UPB1: variants seen among roughly 807,000 people sequenced by gnomAD.
UPB1 encodes the protein beta-ureidopropionase.
In UPB1, 40 loss-of-function variants were observed where a neutral mutation model predicts 49.1. The ratio of observed to expected loss-of-function variants is 0.81; its 90% CI spans 0.63 to 1.06. The LOEUF (loss-of-function observed/expected upper bound fraction) is 1.06. UPB1 is among the 50% of genes least tolerant of loss of function. UPB1 has a pLI of 0.00. For missense variants in UPB1, 499 were observed against 505.9 expected (o/e 0.99, Z 0.13); for synonymous variants, 207 against 198.2 (o/e 1.04, Z -0.38).
intron 1 of UPB1, 139 bp from the exon 2 acceptor site, chr22:24,499,968 G>A (rs1470127071): frequency 7.0e-6 from 9 of 1,291,180 alleles, no homozygotes; most frequent in Non-Finnish European, 9.9e-6. Context: ...CAGCTCCCTT[G>A]GGCCCTGGCA....
intron 6 of UPB1, 149 bp from the exon 7 acceptor site, chr22:24,520,238 C>T: frequency 1.2e-6 from 1 of 863,966 alleles, no homozygotes. Flanking sequence ...TTGTCCCCAC[C>T]ACTGGCCCAG....
rs2044487265 is a variant in UPB1, at chr22:24,526,991, A to G, written c.*1197A>G. On this transcript the variant is annotated 3_prime_UTR_variant, in exon 10 of 10. Transcript: ENST00000326010. ...CCTACTAATTCTGCTAGTTCTGCTA[A>G]TGTGGTTGAGCTCCATTTTACACAT... 1.3e-5 allele frequency: 2 copies of G among 152,190 alleles called. No homozygotes were observed. The highest frequency in any genetic ancestry group is 2.4e-5 in the African/African-American group (1 of 41,438). The allele number at this position is 152,190 out of a possible 1,614,324, so 9.4% of individuals were successfully genotyped here. A position where few individuals can be genotyped will look rare whatever the true frequency, so the allele number is the denominator to read the frequency against.
At chr22:24,495,653 C>G (rs1218934889) in intron 1 of UPB1, 146 bp downstream of exon 1, 4 of 824,410 alleles carry the variant, frequency 4.9e-6, no homozygotes, top group African/African-American at 1.7e-5. Flanking sequence ...CATAGTAGGT[C>G]TTGATGGGAC....
intron 1 of UPB1, among the ~76,000 whole-genome samples, chr22:24,496,406 C>CACACACAT (rs1555883961): frequency 5.4e-5 from 7 of 129,032 alleles, no homozygotes; most frequent in African/African-American, 2.2e-4. Context: ...CACACACATA[C>CACACACAT]ACACACACAC....
Position 24,523,652 on chromosome 22 carries a change from G to C in UPB1, c.950G>C (p.Ser317Thr). The stretch of plus-strand genomic sequence containing the variant: ...GACTTTGGCTACTTTTATGGCTCGA[G>C]CTATGTGGCAGCCCCTGACAGCAGC... The part of the protein sequence containing the change: ...HQDFGYFYGS[S>T]YVAAPDSSRT... The change falls in exon 9 of 10, where the codon AGC (serine) becomes ACC (threonine). Residue 317 changes from serine (S) to threonine (T), a missense_variant. By Grantham distance (58) the Ser-to-Thr change is moderately conservative (BLOSUM62 1). Coordinates refer to ENST00000326010, the MANE Select transcript of UPB1 (RefSeq NM_016327.3). The C allele has an allele frequency of 6.2e-7, 1 of 1,614,266 alleles. No homozygotes were observed. Among genetic ancestry groups the C allele is most frequent in the Non-Finnish European group, 8.5e-7 (1 of 1,180,044 alleles).
In UPB1 at chr22:24,499,980, T is replaced by C. The variant is rs111423529; in HGVS notation, c.105-127T>C. On this transcript the variant is annotated intron_variant, in intron 1 of 9. Coordinates refer to ENST00000326010, the MANE Select transcript of UPB1 (RefSeq NM_016327.3). The stretch of plus-strand genomic sequence containing the variant: ...CGCCAGCTCCCTTGGGCCCTGGCAC[T>C]GAGCGCCTTCTAGCCAGGACATCCT... 71 of 1,446,446 alleles carry C rather than the reference T, an allele frequency of 4.9e-5. No individual in the cohort carries two copies. In the African/African-American group the frequency reaches 7.7e-4, roughly 16 times the overall value. The allele number at this position is 1,446,446 out of a possible 1,614,324, so 89.6% of individuals were successfully genotyped here. A position where few individuals can be genotyped will look rare whatever the true frequency, so the allele number is the denominator to read the frequency against.
At chr22:24,501,799 G>A (rs1165242539) in intron 2 of UPB1, among the ~76,000 whole-genome samples, 2 of 152,192 alleles carry the variant, frequency 1.3e-5, no homozygotes, top group Non-Finnish European at 2.9e-5. Flanking sequence ...GCTGACCTGG[G>A]AGATGGGTGT....
chr22:24,500,002 T>C (rs539046090), intron 1 of UPB1, 105 bp from the exon 2 acceptor site: 2 of 1,571,630 alleles, frequency 1.3e-6, no homozygotes, highest in Admixed American at 1.7e-5. Context: ...AGCCAGGACA[T>C]CCTCACCTCT....
chr22:24,501,584 A>G (rs551010471), intron 2 of UPB1, among the ~76,000 whole-genome samples: 38 of 152,338 alleles, frequency 2.5e-4, no homozygotes, highest in African/African-American at 7.9e-4. Context: ...TGACATAGAT[A>G]ACACCTCCAG....
At chr22:24,509,160 A>C (rs1347045743) in intron 3 of UPB1, among the ~76,000 whole-genome samples, 1 of 152,152 alleles carries the variant, frequency 6.6e-6, no homozygotes, top group Non-Finnish European at 1.5e-5. Flanking sequence ...ACTGGCAGGT[A>C]CTAAAGGTAA....
At chr22:24,512,860 C>T (rs542732970) in intron 4 of UPB1, among the ~76,000 whole-genome samples, 3 of 152,274 alleles carry the variant, frequency 2.0e-5, no homozygotes, top group Admixed American at 6.5e-5. Flanking sequence ...AGCGTAGAAC[C>T]GTGGCATCTA....
chr22:24,495,389 TG>T lies in UPB1; in HGVS notation c.-13del. 2 of 1,612,428 alleles carry T rather than the reference TG, an allele frequency of 1.2e-6. No homozygotes were observed. The highest frequency in any genetic ancestry group is 1.7e-4 in the Middle Eastern group (1 of 6,040). ...GCAGTTCGTGCGCGGACACAAGCAC[TG>T]GCGGACCGTGGCCATGGCGGGCGCT... is the stretch of plus-strand genomic sequence containing the variant. On this transcript the variant is annotated 5_prime_UTR_variant, in exon 1 of 10. Transcript: ENST00000326010.
At position 24,511,614 on chromosome 22, in the gene UPB1, A is replaced by AT. The variant is rs202129656; in HGVS notation, c.459+772dup. Among the ~76,000 whole-genome samples the AT allele has an allele frequency of 1.5e-3, 183 of 121,166 alleles. 5 individuals carry two copies. The highest frequency in any genetic ancestry group is 2.2e-3 in the Non-Finnish European group (130 of 59,106). The allele number at this position is 121,166 out of a possible 152,430, so 79.5% of individuals were successfully genotyped here. The stretch of plus-strand genomic sequence containing the variant: ...CTCTGTGAATTATATATATATATAT[A>AT]TATATTTTTTTTTTTTTGAGATGGA... On this transcript the variant is annotated intron_variant, in intron 4 of 9. Coordinates refer to ENST00000326010, the MANE Select transcript of UPB1 (RefSeq NM_016327.3).
At chr22:24,509,592 G>GC (rs921055934) in intron 3 of UPB1, among the ~76,000 whole-genome samples, 1 of 151,984 alleles carries the variant, frequency 6.6e-6, no homozygotes, top group African/African-American at 2.4e-5. Flanking sequence ...GGAGGAGGGG[G>GC]GGTCCCAGTG....
Position 24,528,031 on chromosome 22 carries a change from A to G in UPB1, c.*2237A>G, listed in dbSNP as rs1334330478. On this transcript the variant is annotated 3_prime_UTR_variant, in exon 10 of 10. Transcript: ENST00000326010. ...GTACTCAGCAGGCTGAGGGAGGAGA[A>G]TCACTTGAACCCGGGAGGCGGAGGT... The G allele has an allele frequency of 1.3e-5, 2 of 152,478 alleles. No individual in the cohort carries two copies. The highest frequency in any genetic ancestry group is 1.3e-4 in the Admixed American group (2 of 15,306). 9.4% of individuals were successfully genotyped at this position (152,478 alleles called of 1,614,324 possible).
Position 24,495,558 on chromosome 22 carries a change from G to T in UPB1, c.104+51G>T, listed in dbSNP as rs190479781. 503 of 1,599,962 alleles carry T rather than the reference G, an allele frequency of 3.1e-4. 2 individuals are homozygous for T. In the African/African-American group the frequency reaches 5.8e-3, roughly 19 times the overall value. ...TGGGGTCTTGGGGCCACAGAGTGTG[G>T]GTCTGGGGGAGCAGGCAGGGAGGGC... is the stretch of plus-strand genomic sequence containing the variant. On this transcript the variant is annotated intron_variant, in intron 1 of 9. Transcript: ENST00000326010.
chr22:24,505,519 A>C (rs1414824536), intron 3 of UPB1, among the ~76,000 whole-genome samples: 1 of 152,178 alleles, frequency 6.6e-6, no homozygotes, highest in Non-Finnish European at 1.5e-5. Flanking sequence ...AAGGTTCAGC[A>C]TGCTGATGTT....
At chr22:24,509,361 G>GAAAAAAAAAAAAAAAAAAAAAA (rs202081655) in intron 3 of UPB1, among the ~76,000 whole-genome samples, 3 of 92,172 alleles carry the variant, frequency 3.3e-5, no homozygotes, top group Non-Finnish European at 2.0e-5. Context: ...CCTACTGTTT[G>GAAAAAAAAAAAAAAAAAAAAAA]AAAAAAAAAA....
rs2043962963 is a variant in UPB1, at chr22:24,500,093, TC to T, written c.105-12del. On this transcript the variant is annotated splice_polypyrimidine_tract_variant and intron_variant, in intron 1 of 9. Transcript: ENST00000326010. The stretch of plus-strand genomic sequence containing the variant: ...CATCAAAATCCCCTTCCCTCTTTTT[TC>T]CTGCCCATCTAGGAAGCTTGATCTG... 6.2e-7 allele frequency: 1 copy of T among 1,614,116 alleles called. No homozygotes were observed. Among genetic ancestry groups the T allele is most frequent in the East Asian group, 2.2e-5 (1 of 44,878 alleles).
Sources: allele counts gnomAD v4.1 joint callset (sites outside exome capture counted in the v4.1 genomes callset), GRCh38; gene constraint gnomAD v4.1.1; transcripts MANE v1.5; gene names NCBI Gene and HGNC (gene_info 2026-07-23, HGNC 2026-07-21).